Variants in GALNT18 observed in about 807,000 individuals in gnomAD.
The protein encoded by GALNT18 is polypeptide N-acetylgalactosaminyltransferase 18, also known as GalNAc-transferase 18.
In GALNT18, 44 loss-of-function variants were observed where a neutral mutation model predicts 69.5. The observed-to-expected ratio is 0.63, with a 90% CI of 0.50 to 0.81. The LOEUF (loss-of-function observed/expected upper bound fraction) is 0.81, where lower values mean the gene tolerates loss of function less well. GALNT18 is among the 40% of genes least tolerant of loss of function. The pLI, the probability that GALNT18 is intolerant of heterozygous loss-of-function variation, is 0.00. For synonymous variants in GALNT18, 364 were observed against 318.2 expected (o/e 1.14, Z -1.53); for missense variants, 715 against 810.0 (o/e 0.88, Z 1.42).
At chr11:11,273,781 T>C (rs760346192) in intron 10 of GALNT18, among the ~76,000 whole-genome samples, 3 of 152,274 alleles carry the variant, frequency 2.0e-5, no homozygotes, top group Non-Finnish European at 4.4e-5. Flanking sequence ...AGACAACATA[T>C]GGAATCAACC....
intron 1 of GALNT18, among the ~76,000 whole-genome samples, chr11:11,484,891 G>A (rs1856612395): frequency 1.3e-5 from 2 of 152,210 alleles, no homozygotes; most frequent in Non-Finnish European, 2.9e-5. Flanking sequence ...CCCAGGGCCT[G>A]TAGCTGGGAG....
At chr11:11,346,387 C>T (rs1164806964) in intron 6 of GALNT18, among the ~76,000 whole-genome samples, 1 of 152,128 alleles carries the variant, frequency 6.6e-6, no homozygotes, top group Non-Finnish European at 1.5e-5. Context: ...ACTAGCTCAG[C>T]GGGATGCCCT....
intron 3 of GALNT18, among the ~76,000 whole-genome samples, chr11:11,429,232 C>T (rs1855210496): frequency 3.3e-5 from 5 of 152,280 alleles, no homozygotes; most frequent in Admixed American, 3.3e-4. Context: ...TCTCTTATTC[C>T]TGAAATTCTC....
intron 1 of GALNT18, among the ~76,000 whole-genome samples, chr11:11,464,073 G>A (rs1856106838): frequency 6.6e-6 from 1 of 152,190 alleles, no homozygotes; most frequent in Non-Finnish European, 1.5e-5. Context: ...CGTCCAAGAT[G>A]TAGTGAATGG....
At position 11,323,272 on chromosome 11, in the gene GALNT18, C is replaced by T. The variant is rs777965057; in HGVS notation, c.1512+3814G>A. Among the ~76,000 whole-genome samples the T allele has an allele frequency of 1.6e-4, 25 of 152,312 alleles. 1 individual carries two copies. The highest frequency in any genetic ancestry group is 1.5e-3 in the South Asian group (7 of 4,826). ...AAATGAGACTCCAAGTACAATTCATCCCAAGGCAAAATTTCTCTTCGAATG... is the reference window on the plus strand; with the variant it reads ...AAATGAGACTCCAAGTACAATTCATTCCAAGGCAAAATTTCTCTTCGAATG... On this transcript the variant is annotated intron_variant, in intron 9 of 10. Coordinates refer to ENST00000227756, the MANE Select transcript of GALNT18 (RefSeq NM_198516.3).
intron 6 of GALNT18, among the ~76,000 whole-genome samples, chr11:11,354,077 A>G (rs1850475972): frequency 6.6e-6 from 1 of 152,170 alleles, no homozygotes; most frequent in African/African-American, 2.4e-5. Context: ...ATCAAATGAA[A>G]CTCAGATTAT....
rs1293765855 is a variant in GALNT18 at position 11,459,032 on chromosome 11, T to C, written c.236-10096A>G. Among the ~76,000 whole-genome samples the C allele has an allele frequency of 1.3e-5, 2 of 152,196 alleles. No homozygotes were observed. The highest frequency in any genetic ancestry group is 4.8e-5 in the African/African-American group (2 of 41,460). On this transcript the variant is annotated intron_variant, in intron 1 of 10. Transcript: ENST00000227756. This position sits in a 1 kb window ranked among gnomAD's most constrained non-coding sequence, Gnocchi z 5.0. ...CTTCGGCACATCATAGCGGTACTCT[T>C]CTTATATCCAGCAAAGCAAGATGTT...
In GALNT18 at chr11:11,296,294, T is replaced by C. The variant is rs868170864; in HGVS notation, c.1513-3101A>G. On this transcript the variant is annotated intron_variant, in intron 9 of 10. Coordinates refer to ENST00000227756, the MANE Select transcript of GALNT18 (RefSeq NM_198516.3). The stretch of plus-strand genomic sequence containing the variant: ...ACCCCAACTCTTACTACTTTGAAAA[T>C]AGAAACGAGAACCCACCATATCCAG... 1.1e-4 allele frequency among the ~76,000 whole-genome samples: 17 copies of C among 152,116 alleles called. No individual in the cohort carries two copies. The South Asian group carries it at 3.3e-3, about 30-fold the overall frequency.
At position 11,621,414 on chromosome 11, in the gene GALNT18, CAG is replaced by C. The variant is rs1431264966; in HGVS notation, c.178_179del (p.Leu60GlufsTer4). The C allele has an allele frequency of 1.9e-6, 3 of 1,614,038 alleles. No homozygotes were observed. Among genetic ancestry groups the C allele is most frequent in the Non-Finnish European group, 1.7e-6 (2 of 1,180,036 alleles). ...KKLEEDKGDT[L>X]KIIERLDHLE... Reference sequence around the variant, plus strand: ...GGTGGTCCAGCCGCTCAATAATCTTCAGAGTGTCCCCTTTGTCTTCCTCCAGC... The same window carrying C: ...GGTGGTCCAGCCGCTCAATAATCTTCAGTGTCCCCTTTGTCTTCCTCCAGC... On this transcript the variant is annotated frameshift_variant, in exon 1 of 11. Transcript: ENST00000227756. LOFTEE classifies it high-confidence loss of function. This position sits in a 1 kb window ranked among gnomAD's most constrained non-coding sequence, Gnocchi z 9.3.
Position 11,340,954 on chromosome 11 carries a change from G to A in GALNT18, c.1143C>T (p.Ala381=), listed in dbSNP as rs750456085. ...SVEVLPCSRI[A]HIERAHKPYT... ...AGGGCTTGTGGGCTCGCTCAATGTG[G>A]GCAATCCGTGAGCAGGGCAGGACCT... is the stretch of plus-strand genomic sequence containing the variant. The change falls in exon 7 of 11, where the codon GCC becomes GCT. Residue 381 remains alanine, a synonymous_variant. Transcript: ENST00000227756. The surrounding 1 kb of genome is among the most constrained non-coding windows in gnomAD (Gnocchi z 4.2). The A allele has an allele frequency of 1.3e-5, 21 of 1,612,612 alleles. No individual in the cohort carries two copies. The highest frequency in any genetic ancestry group is 1.8e-5 in the Non-Finnish European group (21 of 1,179,294).
In GALNT18 at chr11:11,352,122, C is replaced by T. The variant is rs760984627; in HGVS notation, c.1093-11118G>A. On this transcript the variant is annotated intron_variant, in intron 6 of 10. Transcript: ENST00000227756. ...CCCTGGCATGCTAGATGAACCCATT[C>T]GAGCCTGGTCCTTCACAACAGTGTA... 52 of 1,613,444 alleles carry T rather than the reference C, an allele frequency of 3.2e-5. 1 individual carries two copies. Among genetic ancestry groups the T allele is most frequent in the African/African-American group, 6.7e-5 (5 of 74,650 alleles).
At chr11:11,492,722 G>T (rs1260280795) in intron 1 of GALNT18, among the ~76,000 whole-genome samples, 2 of 111,590 alleles carry the variant, frequency 1.8e-5, no homozygotes, top group African/African-American at 3.5e-5. Flanking sequence ...ACAGAGAGGG[G>T]ACATCACATA....
chr11:11,331,757 T>C (rs1850020612), intron 8 of GALNT18, among the ~76,000 whole-genome samples: 1 of 152,106 alleles, frequency 6.6e-6, no homozygotes, highest in South Asian at 2.1e-4. Context: ...ATGGAGATAA[T>C]ATAGCTAATC....
chr11:11,397,557 C>T (rs868518924), intron 3 of GALNT18, among the ~76,000 whole-genome samples: 3 of 152,140 alleles, frequency 2.0e-5, no homozygotes, highest in East Asian at 1.9e-4. Context: ...TCCACCTCCC[C>T]GGTTCAAGTG....
chr11:11,498,211 T>C (rs544552716), intron 1 of GALNT18, among the ~76,000 whole-genome samples: 2 of 152,246 alleles, frequency 1.3e-5, no homozygotes, highest in South Asian at 4.1e-4. Flanking sequence ...GTTCAATGCA[T>C]GCAACTTGAT....
chr11:11,510,342 GC>G (rs1857142434), intron 1 of GALNT18, among the ~76,000 whole-genome samples: 1 of 152,166 alleles, frequency 6.6e-6, no homozygotes. Context: ...TGTGAGAAGG[GC>G]AGGTCAGAAG....
Position 11,382,192 on chromosome 11 carries a change from G to C in GALNT18, c.596-2928C>G, listed in dbSNP as rs1853937790. 6.6e-6 allele frequency among the ~76,000 whole-genome samples: 1 copy of C among 152,180 alleles called. No homozygotes were observed. Among genetic ancestry groups the C allele is most frequent in the Non-Finnish European group, 1.5e-5 (1 of 68,034 alleles). Reference sequence around the variant, plus strand: ...CCCAAACATGTGCTGCTGATTAGAAGAGGGAATTCTCTTAGCCCCAACCAA... The same window carrying C: ...CCCAAACATGTGCTGCTGATTAGAACAGGGAATTCTCTTAGCCCCAACCAA... On this transcript the variant is annotated intron_variant, in intron 3 of 10. Transcript: ENST00000227756. This position sits in a 1 kb window ranked among gnomAD's most constrained non-coding sequence, Gnocchi z 4.3.
intron 9 of GALNT18, among the ~76,000 whole-genome samples, chr11:11,311,080 G>A (rs4258374): frequency 0.54 from 81,929 of 151,612 alleles, 22,123 homozygotes; most frequent in Middle Eastern, 0.63. Flanking sequence ...TTTTGGTCTT[G>A]TAGGGACACT....
At position 11,435,832 on chromosome 11, in the gene GALNT18, C is replaced by T. The variant is rs544898957; in HGVS notation, c.429-3045G>A. Among the ~76,000 whole-genome samples the T allele has an allele frequency of 1.5e-3, 231 of 152,322 alleles. No homozygotes were observed. Among genetic ancestry groups the T allele is most frequent in the African/African-American group, 5.1e-3 (210 of 41,578 alleles). On this transcript the variant is annotated intron_variant, in intron 2 of 10. Transcript: ENST00000227756. This position sits in a 1 kb window ranked among gnomAD's most constrained non-coding sequence, Gnocchi z 4.4. ...AGGCTCCTGTTCTCCCATCCTCCCTCCTCTTGCGTGAATGGCCCCAATTCC... is the reference window on the plus strand; with the variant it reads ...AGGCTCCTGTTCTCCCATCCTCCCTTCTCTTGCGTGAATGGCCCCAATTCC...
Sources: gnomAD v4.1 joint callset for allele counts (sites outside exome capture counted in the v4.1 genomes callset) on GRCh38, gnomAD v4.1.1 for gene constraint, Gnocchi (gnomAD v3.1) non-coding constraint, MANE v1.5 for transcripts, NCBI Gene and HGNC (gene_info 2026-07-23, HGNC 2026-07-21) for gene names.